The following KANSL1 variants were observed in gnomAD, a reference collection of about 807,000 sequenced individuals.
The protein encoded by KANSL1 is MLL1/MLL complex subunit KANSL1.
Under a neutral mutation model 103.6 loss-of-function variants are expected in KANSL1, and 22 were observed. That is an observed-to-expected ratio of 0.21 (90% CI 0.15 to 0.30). The LOEUF is 0.30. Ranked by LOEUF, KANSL1 falls within the 10% of genes least tolerant of loss-of-function variation. The probability of loss-of-function intolerance (pLI) is 1.00; values close to 1 mark genes in which losing one functional copy is unlikely to be tolerated. For missense variants in KANSL1, 1,337 were observed against 1,399.8 expected (o/e 0.96, Z 0.72); for synonymous variants, 600 against 527.6 (o/e 1.14, Z -1.88).
intron 8 of KANSL1, 199 bp from the exon 9 acceptor site, chr17:46,039,414 A>G: frequency 3.3e-6 from 2 of 606,370 alleles, no homozygotes; most frequent in Non-Finnish European, 5.6e-6. Flanking sequence ...GAAACATGTC[A>G]CCAGGATACA....
intron 6 of KANSL1, among the ~76,000 whole-genome samples, chr17:46,065,888 G>A (rs1011633011): frequency 6.6e-6 from 1 of 151,810 alleles, no homozygotes; most frequent in Admixed American, 6.6e-5. Context: ...TTCTCAGGCA[G>A]GGTCTCACTC....
chr17:46,137,414 T>C (rs2044201319), intron 2 of KANSL1, among the ~76,000 whole-genome samples: 1 of 152,260 alleles, frequency 6.6e-6, no homozygotes, highest in Non-Finnish European at 1.5e-5. Flanking sequence ...ACGTATGATT[T>C]AGTTAGCATC....
rs563006271 is a variant in KANSL1, at chr17:46,212,020, G to A, written c.-90+11651C>T. 1.2e-4 allele frequency among the ~76,000 whole-genome samples: 19 copies of A among 152,262 alleles called. No individual in the cohort carries two copies. The South Asian group carries it at 2.7e-3, about 22-fold the overall frequency. ...CAGAACAATTGGTTGGACAGACCCC[G>A]GACAGACAGACTCAAGGAGGCTGGT... On this transcript the variant is annotated intron_variant, in intron 1 of 14. Coordinates refer to the KANSL1 transcript ENST00000572904.
intron 2 of KANSL1, among the ~76,000 whole-genome samples, chr17:46,107,479 T>C (rs2042617981): frequency 6.6e-6 from 1 of 152,218 alleles, no homozygotes; most frequent in South Asian, 2.1e-4. Context: ...CTCCTTCAAA[T>C]ACTTTCTCCA....
chr17:46,037,847 T>A (rs922535155), intron 10 of KANSL1: 1 of 152,228 alleles, frequency 6.6e-6, no homozygotes, highest in Non-Finnish European at 1.5e-5. Flanking sequence ...GAGGGCACAC[T>A]TGAGGAATTA....
At position 46,170,952 on chromosome 17, in the gene KANSL1, A is replaced by G; in HGVS notation, c.1192T>C (p.Phe398Leu). ...CTACTGTCAGTGACATCTGAATCAAATGCCTGTTCACTGCACCTCAAGTTG... is the reference window on the plus strand; with the variant it reads ...CTACTGTCAGTGACATCTGAATCAAGTGCCTGTTCACTGCACCTCAAGTTG... ...IANLRCSEQA[F>L]DSDVTDSSSG... Residue 398 changes from phenylalanine (F) to leucine (L), a missense_variant, in exon 2 of 15, where the codon TTT becomes CTT. Physicochemically the swap from Phe to Leu is conservative, Grantham distance 22. This residue lies in a region of KANSL1 where 557 missense variants were observed against 476.4 expected (regional missense o/e 1.17). Coordinates refer to ENST00000432791, the MANE Select transcript of KANSL1 (RefSeq NM_015443.4). The G allele has an allele frequency of 6.2e-7, 1 of 1,614,166 alleles. No homozygotes were observed. Among genetic ancestry groups the G allele is most frequent in the Non-Finnish European group, 8.5e-7 (1 of 1,180,054 alleles).
At chr17:46,093,644 G>A (rs1427321358) in intron 3 of KANSL1, 1 of 152,492 alleles carries the variant, frequency 6.6e-6, no homozygotes, top group African/African-American at 2.4e-5. Context: ...TCAACTTTTG[G>A]CCTACTAATT....
Position 46,109,606 on chromosome 17 carries a change from G to T in KANSL1, c.1290-14905C>A, listed in dbSNP as rs546309903. Among the ~76,000 whole-genome samples, 3 of 152,226 alleles carry T rather than the reference G, an allele frequency of 2.0e-5. No individual in the cohort carries two copies. In the South Asian group the frequency reaches 6.2e-4, roughly 32 times the overall value. On this transcript the variant is annotated intron_variant, in intron 2 of 14. Transcript: ENST00000432791. ...AAGGTTGAGCTAGTTTTCAGTTAAA[G>T]AATGACTGAGGGCACAAAGGTGGAC...
At chr17:46,122,823 C>T (rs867605414) in intron 2 of KANSL1, among the ~76,000 whole-genome samples, 11 of 152,270 alleles carry the variant, frequency 7.2e-5, no homozygotes, top group African/African-American at 2.2e-4. Flanking sequence ...TACCACGAAC[C>T]GCACCCATAA....
intron 2 of KANSL1, among the ~76,000 whole-genome samples, chr17:46,113,159 G>A (rs954275810): frequency 1.3e-5 from 2 of 152,334 alleles, no homozygotes; most frequent in South Asian, 2.1e-4. Context: ...CAGAGATGCC[G>A]CTAACCATAC....
At position 46,039,182 on chromosome 17, in the gene KANSL1, G is replaced by A; in HGVS notation, c.2237C>T (p.Thr746Ile). The change falls in exon 9 of 15, where the codon ACC becomes ATC. Residue 746 changes from threonine (T) to isoleucine (I), a missense_variant. By Grantham distance (89) the Thr-to-Ile change is moderately conservative (BLOSUM62 -1). Around this residue, in one of 2 missense-constraint regions of KANSL1, gnomAD observed 780 missense variants for 923.4 expected, o/e 0.84. Transcript: ENST00000432791. ...LSHHQTRPDRTHRQHLDDVGA... is the reference protein window; with the variant it reads ...LSHHQTRPDRIHRQHLDDVGA... Reference sequence around the variant, plus strand: ...CACATCGTCTAAGTGCTGCCTGTGGGTCCTGTCAGGCCGGGTTTGGTGATG... The same window carrying A: ...CACATCGTCTAAGTGCTGCCTGTGGATCCTGTCAGGCCGGGTTTGGTGATG... 1.9e-6 allele frequency: 3 copies of A among 1,599,428 alleles called. No individual in the cohort carries two copies. The highest frequency in any genetic ancestry group is 2.6e-6 in the Non-Finnish European group (3 of 1,175,106).
chr17:46,084,574 T>TG (rs1294232112), intron 3 of KANSL1, among the ~76,000 whole-genome samples: 2 of 150,950 alleles, frequency 1.3e-5, no homozygotes, highest in Non-Finnish European at 3.0e-5. Flanking sequence ...CCCAGCTACT[T>TG]GGGAGGCTGA....
intron 2 of KANSL1, among the ~76,000 whole-genome samples, chr17:46,143,322 C>T (rs371526538): frequency 1.5e-3 from 235 of 152,030 alleles, no homozygotes; most frequent in African/African-American, 5.5e-3. Flanking sequence ...GGTGAAACCC[C>T]GTCTCTACTA....
upstream of KANSL1, among the ~76,000 whole-genome samples, chr17:46,198,699 T>C (rs1381906832): frequency 6.6e-6 from 1 of 152,234 alleles, no homozygotes; most frequent in Non-Finnish European, 1.5e-5. Flanking sequence ...ACCACTGCAC[T>C]CCAACCTGAG....
intron 1 of KANSL1, among the ~76,000 whole-genome samples, chr17:46,177,742 G>A (rs1014416172): frequency 2.6e-5 from 4 of 151,718 alleles, no homozygotes; most frequent in Admixed American, 2.6e-4. Flanking sequence ...AATTCTTAAA[G>A]AGCCAATAAC....
At chr17:46,173,382 T>C (rs1278579203) in intron 1 of KANSL1, among the ~76,000 whole-genome samples, 3 of 152,236 alleles carry the variant, frequency 2.0e-5, no homozygotes, top group Non-Finnish European at 2.9e-5. Context: ...TCCTGTTTCA[T>C]TACCTTAAGT....
intron 3 of KANSL1, among the ~76,000 whole-genome samples, chr17:46,089,965 T>C (rs1422493700): frequency 2.0e-5 from 3 of 152,260 alleles, no homozygotes; most frequent in African/African-American, 7.2e-5. Flanking sequence ...TTGAATATTG[T>C]CTCTTCCAAA....
intron 2 of KANSL1, chr17:46,169,383 T>A (rs1482686423): frequency 6.6e-6 from 1 of 152,246 alleles, no homozygotes; most frequent in Non-Finnish European, 1.5e-5. Context: ...AAATTATCCA[T>A]TTCTTCCTTC....
chr17:46,185,233 G>A (rs1481611470), intron 1 of KANSL1, among the ~76,000 whole-genome samples: 1 of 152,186 alleles, frequency 6.6e-6, no homozygotes, highest in Non-Finnish European at 1.5e-5. Flanking sequence ...TAAGCAACCT[G>A]AGCATTCTAT....
Sources: gnomAD v4.1 joint callset for allele counts (sites outside exome capture counted in the v4.1 genomes callset) on GRCh38, gnomAD v4.1.1 for gene constraint, gnomAD v4.1.1 regional missense constraint, MANE v1.5 for transcripts, NCBI Gene and HGNC (gene_info 2026-07-23, HGNC 2026-07-21) for gene names.